Variants in PSD3 observed in about 807,000 individuals in gnomAD.
PSD3 encodes pleckstrin and Sec7 domain containing 3, also known as PH and SEC7 domain-containing protein 3.
In PSD3, 49 loss-of-function variants were observed where a neutral mutation model predicts 105.5. The ratio of observed to expected loss-of-function variants is 0.46; its 90% CI spans 0.37 to 0.59. The LOEUF is 0.59. PSD3 is among the 20% of genes least tolerant of loss of function. The pLI, the probability that PSD3 is intolerant of heterozygous loss-of-function variation, is 0.00. For synonymous variants in PSD3, 557 were observed against 457.8 expected, an observed-to-expected ratio of 1.22 and a Z score of -2.77; for missense variants, 1,561 against 1,263.8, an observed-to-expected ratio of 1.24 and a Z score of -3.57.
In PSD3 at chr8:18,799,133, T is replaced by TA. The variant is rs1393129558; in HGVS notation, c.2082+161dup. ...TCATACTCTGTGCTAGCATGTGAAA[T>TA]AAAAAAATTATTTCTTTTTTCAAAG... On this transcript the variant is annotated intron_variant, in intron 8 of 15. Coordinates refer to ENST00000327040, the MANE Select transcript of PSD3 (RefSeq NM_015310.4). 122 of 652,512 alleles carry TA rather than the reference T, an allele frequency of 1.9e-4. 1 individual carries two copies. The Middle Eastern group carries it at 3.0e-3, about 16-fold the overall frequency. The allele number at this position is 652,512 out of a possible 1,614,324, so 40.4% of individuals were successfully genotyped here.
At chr8:18,709,760 G>A (rs1056393791) in intron 9 of PSD3, among the ~76,000 whole-genome samples, 1 of 152,156 alleles carries the variant, frequency 6.6e-6, no homozygotes, top group Non-Finnish European at 1.5e-5. Flanking sequence ...CTATGGAAGA[G>A]GGACCTAACT....
Position 18,763,861 on chromosome 8 carries a change from G to A in PSD3, c.2172+1588C>T, listed in dbSNP as rs533935335. On this transcript the variant is annotated intron_variant, in intron 9 of 15. Transcript: ENST00000327040. Reference sequence around the variant, plus strand: ...TACCATGCTAACCACCACCATTTTCGGTATCATTTCACTATCATCTTCTCA... The same window carrying A: ...TACCATGCTAACCACCACCATTTTCAGTATCATTTCACTATCATCTTCTCA... 7.0e-4 allele frequency among the ~76,000 whole-genome samples: 107 copies of A among 151,926 alleles called. 2 individuals carry two copies. The South Asian group carries it at 0.021, about 30-fold the overall frequency.
intron 1 of PSD3, among the ~76,000 whole-genome samples, chr8:18,972,716 T>C (rs546790732): frequency 5.9e-5 from 9 of 152,324 alleles, no homozygotes; most frequent in South Asian, 4.1e-4. Context: ...GTTTACACCA[T>C]GTAAGGACAC....
chr8:18,772,579 G>A (rs950440642), intron 8 of PSD3, among the ~76,000 whole-genome samples: 1 of 152,088 alleles, frequency 6.6e-6, no homozygotes, highest in Non-Finnish European at 1.5e-5. Context: ...CACAATCTCT[G>A]GTCACTGTGA....
At chr8:18,561,078 C>A (rs1801369445) in intron 14 of PSD3, among the ~76,000 whole-genome samples, 1 of 152,204 alleles carries the variant, frequency 6.6e-6, no homozygotes, top group Non-Finnish European at 1.5e-5. Flanking sequence ...CTAGCAATCC[C>A]ACTTCTGAGT....
intron 4 of PSD3, among the ~76,000 whole-genome samples, chr8:18,858,352 A>C (rs189898509): frequency 2.7e-3 from 416 of 152,284 alleles, no homozygotes; most frequent in African/African-American, 9.5e-3. Flanking sequence ...AGCAAGTCCT[A>C]ATCTTTTTGC....
At chr8:18,692,772 C>T (rs1255661404) in intron 9 of PSD3, among the ~76,000 whole-genome samples, 1 of 152,088 alleles carries the variant, frequency 6.6e-6, no homozygotes, top group African/African-American at 2.4e-5. Context: ...TATCTTCGGC[C>T]TTTATATTCA....
chr8:19,011,510 T>A (rs1232947288), intron 1 of PSD3, among the ~76,000 whole-genome samples: 1 of 152,228 alleles, frequency 6.6e-6, no homozygotes, highest in Non-Finnish European at 1.5e-5. Context: ...TAAATTTTTC[T>A]TTTTCAATGA....
At chr8:18,964,982 A>G (rs1824148814) in intron 1 of PSD3, among the ~76,000 whole-genome samples, 1 of 152,198 alleles carries the variant, frequency 6.6e-6, no homozygotes, top group Non-Finnish European at 1.5e-5. Flanking sequence ...TGCATGACCA[A>G]CTTATTCTTC....
At chr8:18,863,540 G>A (rs1026040624) in intron 4 of PSD3, among the ~76,000 whole-genome samples, 1 of 152,124 alleles carries the variant, frequency 6.6e-6, no homozygotes, top group Non-Finnish European at 1.5e-5. Flanking sequence ...TCAACAGGCA[G>A]GCAGAGCAAG....
chr8:18,618,734 G>A (rs547054863), intron 11 of PSD3, among the ~76,000 whole-genome samples: 94 of 151,912 alleles, frequency 6.2e-4, no homozygotes, highest in African/African-American at 2.2e-3. Flanking sequence ...AAGACGGAGT[G>A]CAGTGGTGTA....
chr8:18,991,188 A>C (rs1164824031), intron 1 of PSD3, among the ~76,000 whole-genome samples: 2 of 152,140 alleles, frequency 1.3e-5, no homozygotes, highest in African/African-American at 4.8e-5. Flanking sequence ...TTTTGACCAC[A>C]CACTGGTTTA....
At chr8:18,684,609 C>T (rs1301231021) in intron 9 of PSD3, among the ~76,000 whole-genome samples, 1 of 152,178 alleles carries the variant, frequency 6.6e-6, no homozygotes, top group Non-Finnish European at 1.5e-5. Context: ...ATTATGTTGC[C>T]ATTCTGAAGA....
chr8:18,914,283 C>T (rs1433731151), intron 2 of PSD3, among the ~76,000 whole-genome samples: 3 of 151,740 alleles, frequency 2.0e-5, no homozygotes, highest in Non-Finnish European at 4.4e-5. Flanking sequence ...GACAAGCCCA[C>T]AGCTAACATC....
chr8:18,881,572 A>C (rs1818105277), intron 2 of PSD3, among the ~76,000 whole-genome samples: 1 of 152,116 alleles, frequency 6.6e-6, no homozygotes, highest in Non-Finnish European at 1.5e-5. Context: ...AACCAGATAA[A>C]ACCGTTTTCA....
chr8:18,835,244 T>C (rs1383993307), intron 4 of PSD3, among the ~76,000 whole-genome samples: 1 of 152,158 alleles, frequency 6.6e-6, no homozygotes, highest in East Asian at 1.9e-4. Flanking sequence ...CAAAAATTAC[T>C]TAAGGGTATT....
At chr8:18,780,095 G>T (rs1019914135) in intron 8 of PSD3, among the ~76,000 whole-genome samples, 1 of 152,136 alleles carries the variant, frequency 6.6e-6, no homozygotes, top group African/African-American at 2.4e-5. Context: ...TTCTATATCT[G>T]CATGCTCCAG....
intron 2 of PSD3, among the ~76,000 whole-genome samples, chr8:18,913,267 T>C (rs1345867366): frequency 2.0e-5 from 3 of 152,200 alleles, no homozygotes; most frequent in Non-Finnish European, 4.4e-5. Flanking sequence ...CAAATATTTT[T>C]CTGTTAAAGT....
At chr8:18,973,733 T>C (rs1824778082) in intron 1 of PSD3, among the ~76,000 whole-genome samples, 1 of 152,218 alleles carries the variant, frequency 6.6e-6, no homozygotes, top group Non-Finnish European at 1.5e-5. Context: ...TTGCTCTAGA[T>C]GGCAGAATTA....
Sources: gnomAD v4.1 joint callset for allele counts (sites outside exome capture counted in the v4.1 genomes callset) on GRCh38, gnomAD v4.1.1 for gene constraint, MANE v1.5 for transcripts, NCBI Gene and HGNC (gene_info 2026-07-23, HGNC 2026-07-21) for gene names.